The following RAB3GAP1 variants were observed in gnomAD, a reference collection of about 807,000 sequenced individuals.
The protein encoded by RAB3GAP1 is rab3 GTPase-activating protein catalytic subunit.
In RAB3GAP1, 86 loss-of-function variants were observed where a neutral mutation model predicts 130.7. That is an observed-to-expected ratio of 0.66 (90% CI 0.55 to 0.79). The LOEUF is 0.79. Among genes scored for constraint, RAB3GAP1 ranks in the 30% least tolerant of loss-of-function variants. The probability of loss-of-function intolerance (pLI) is 0.00; values close to 1 mark genes in which losing one functional copy is unlikely to be tolerated. For missense variants in RAB3GAP1, 1,029 were observed against 1,169.4 expected (o/e 0.88, Z 1.75); for synonymous variants, 367 against 401.7 (o/e 0.91, Z 1.03).
downstream of RAB3GAP1, among the ~76,000 whole-genome samples, chr2:135,171,674 T>G (rs1692859189): frequency 6.6e-6 from 1 of 152,216 alleles, no homozygotes; most frequent in African/African-American, 2.4e-5. Context: ...GTACCTGCTA[T>G]GTGCCAGGTA....
At chr2:135,104,827 C>T (rs912346178) in intron 5 of RAB3GAP1, among the ~76,000 whole-genome samples, 4 of 151,992 alleles carry the variant, frequency 2.6e-5, no homozygotes, top group African/African-American at 4.8e-5. Context: ...AGGCGGAGGC[C>T]GCAGTAAGTT....
At chr2:135,063,782 G>T (rs573409532) in intron 3 of RAB3GAP1, among the ~76,000 whole-genome samples, 1 of 152,124 alleles carries the variant, frequency 6.6e-6, no homozygotes, top group Non-Finnish European at 1.5e-5. Flanking sequence ...TGCTATGAAC[G>T]TGAATGTACA....
intron 2 of RAB3GAP1, among the ~76,000 whole-genome samples, chr2:135,056,810 TAGTA>T (rs1689026364): frequency 6.6e-6 from 1 of 152,190 alleles, no homozygotes; most frequent in African/African-American, 2.4e-5. Flanking sequence ...AAAGAGGAAT[TAGTA>T]AGAAGCCTCA....
At chr2:135,117,471 TCTGCTTCTTCTG>T (rs1691014782) in intron 7 of RAB3GAP1, among the ~76,000 whole-genome samples, 9 of 144,622 alleles carry the variant, frequency 6.2e-5, no homozygotes, top group African/African-American at 2.1e-4. Flanking sequence ...TGCTTCTGCT[TCTGCTTCTTCTG>T]CTTCTTCTTC....
chr2:135,082,222 A>C (rs1387165615), intron 3 of RAB3GAP1, among the ~76,000 whole-genome samples: 2 of 152,170 alleles, frequency 1.3e-5, no homozygotes, highest in Non-Finnish European at 2.9e-5. Context: ...TTACCAATTT[A>C]AGGCATATAA....
At chr2:135,145,692 A>G (rs2104969391) in intron 17 of RAB3GAP1, among the ~76,000 whole-genome samples, 1 of 152,328 alleles carries the variant, frequency 6.6e-6, no homozygotes, top group South Asian at 2.1e-4. Context: ...AGTGATTAAC[A>G]TAATGTCTAA....
At chr2:135,114,606 T>G (rs551526596) in intron 6 of RAB3GAP1, among the ~76,000 whole-genome samples, 1 of 152,364 alleles carries the variant, frequency 6.6e-6, no homozygotes, top group South Asian at 2.1e-4. Flanking sequence ...TCACATTTTT[T>G]GTCAATCAGT....
chr2:135,086,573 T>C (rs893794475), intron 3 of RAB3GAP1, among the ~76,000 whole-genome samples: 4 of 151,808 alleles, frequency 2.6e-5, no homozygotes, highest in Non-Finnish European at 4.4e-5. Context: ...GGATTGTTCA[T>C]TTTTTTTATT....
downstream of RAB3GAP1, among the ~76,000 whole-genome samples, chr2:135,171,951 G>A (rs1264177621): frequency 1.3e-5 from 2 of 152,204 alleles, no homozygotes; most frequent in Admixed American, 6.5e-5. Flanking sequence ...TACCCGGCAC[G>A]TGGGAAGCAC....
chr2:135,149,621 A>AC (rs1323479298), intron 17 of RAB3GAP1, among the ~76,000 whole-genome samples: 2 of 152,034 alleles, frequency 1.3e-5, no homozygotes, highest in Non-Finnish European at 2.9e-5. Flanking sequence ...AAAAATAAAA[A>AC]CTCATAGTTT....
intron 3 of RAB3GAP1, among the ~76,000 whole-genome samples, chr2:135,077,248 C>T (rs932030708): frequency 4.0e-5 from 6 of 151,478 alleles, no homozygotes; most frequent in East Asian, 3.9e-4. Context: ...CCAGCCTGGG[C>T]GACAGAGCAA....
chr2:135,155,710 C>G (rs896544347), intron 19 of RAB3GAP1, among the ~76,000 whole-genome samples: 1 of 151,950 alleles, frequency 6.6e-6, no homozygotes, highest in Non-Finnish European at 1.5e-5. Flanking sequence ...ATAGGCTATA[C>G]TTAAGAAATT....
chr2:135,103,014 A>G (rs1014155623), intron 5 of RAB3GAP1, among the ~76,000 whole-genome samples: 1 of 145,088 alleles, frequency 6.9e-6, no homozygotes, highest in African/African-American at 2.7e-5. Context: ...CTGAAAAAAA[A>G]AAAAAAAAAT....
At position 135,126,599 on chromosome 2, in the gene RAB3GAP1, C is replaced by G; in HGVS notation, c.916C>G (p.Gln306Glu). Reference sequence around the variant, plus strand: ...GCATTTTAGTGATTTGGATCCTATTCAAGCTCCACATTGGTCTGTTAGAGT... The same window carrying G: ...GCATTTTAGTGATTTGGATCCTATTGAAGCTCCACATTGGTCTGTTAGAGT... ...NDVYSDLDPI[Q>E]APHWSVRVRK... The change falls in exon 11 of 24, where the codon CAA (glutamine) becomes GAA (glutamate). Residue 306 changes from glutamine (Q) to glutamate (E), a missense_variant. Coordinates refer to ENST00000264158, the MANE Select transcript of RAB3GAP1 (RefSeq NM_012233.3). 6.2e-7 allele frequency: 1 copy of G among 1,612,516 alleles called. No individual in the cohort carries two copies. The highest frequency in any genetic ancestry group is 8.5e-7 in the Non-Finnish European group (1 of 1,178,638).
chr2:135,083,314 CT>C (rs1353798644), intron 3 of RAB3GAP1, among the ~76,000 whole-genome samples: 7 of 151,988 alleles, frequency 4.6e-5, no homozygotes, highest in Non-Finnish European at 1.5e-5. Flanking sequence ...GTTTTTATTT[CT>C]TTTAGCTGTA....
intron 2 of RAB3GAP1, among the ~76,000 whole-genome samples, chr2:135,053,442 G>A (rs926159273): frequency 4.6e-5 from 7 of 152,240 alleles, no homozygotes; most frequent in African/African-American, 1.7e-4. Context: ...AGTTTGTGGA[G>A]GAGTGATAGC....
At chr2:135,146,166 G>T (rs1691985261) in intron 17 of RAB3GAP1, among the ~76,000 whole-genome samples, 1 of 147,450 alleles carries the variant, frequency 6.8e-6, no homozygotes, top group African/African-American at 2.5e-5. Flanking sequence ...ATCTTTTAAT[G>T]CTAGAAACCA....
At chr2:135,106,172 G>A (rs532714054) in intron 5 of RAB3GAP1, among the ~76,000 whole-genome samples, 1 of 151,764 alleles carries the variant, frequency 6.6e-6, no homozygotes, top group Admixed American at 6.6e-5. Context: ...CGCCCCGTCC[G>A]GGAGGTGGGG....
chr2:135,098,090 C>T (rs756798433), intron 5 of RAB3GAP1, among the ~76,000 whole-genome samples: 2 of 152,116 alleles, frequency 1.3e-5, no homozygotes, highest in Non-Finnish European at 2.9e-5. Context: ...ATAGTGGTAT[C>T]CTAATTTTAA....
Sources: gnomAD v4.1 joint callset for allele counts (sites outside exome capture counted in the v4.1 genomes callset) on GRCh38, gnomAD v4.1.1 for gene constraint, MANE v1.5 for transcripts, NCBI Gene and HGNC (gene_info 2026-07-23, HGNC 2026-07-21) for gene names.